TIMM23B: variants seen among roughly 807,000 people sequenced by gnomAD.
TIMM23B encodes the protein mitochondrial import inner membrane translocase subunit Tim23B.
A neutral mutation model predicts 27.3 loss-of-function variants in TIMM23B; 27 were observed. The ratio of observed to expected loss-of-function variants is 0.99; its 90% CI spans 0.73 to 1.36. The LOEUF is 1.36. Among genes scored for constraint, TIMM23B ranks in the 40% most tolerant of loss-of-function variants. The probability of loss-of-function intolerance (pLI) is 0.00; values close to 1 mark genes in which losing one functional copy is unlikely to be tolerated. For missense variants in TIMM23B, 205 were observed against 244.2 expected (o/e 0.84, Z 1.07); for synonymous variants, 73 against 92.4 (o/e 0.79, Z 1.21).
chr10:49,962,972 A>G (rs1255010737), intron 6 of TIMM23B, among the ~76,000 whole-genome samples: 1 of 149,352 alleles, frequency 6.7e-6, no homozygotes, highest in Non-Finnish European at 1.5e-5. Flanking sequence ...GCTCACAGCA[A>G]CCTCTGCCTC....
In TIMM23B at chr10:49,942,162, A is replaced by G; in HGVS notation, c.-33A>G. 2 of 1,560,120 alleles carry G rather than the reference A, an allele frequency of 1.3e-6. No individual in the cohort carries two copies. Among genetic ancestry groups the G allele is most frequent in the Non-Finnish European group, 1.7e-6 (2 of 1,149,652 alleles). ...CCAGCGGACCACCCAGGCTTGAGGC[A>G]GCGGCGGGAACCACTCGGTTTGCTG... On this transcript the variant is annotated 5_prime_UTR_variant, in exon 1 of 7. Transcript: ENST00000651259.
rs188168689 is a variant in TIMM23B at position 49,970,966 on chromosome 10, C to A, written c.515-2046C>A. Among the ~76,000 whole-genome samples the A allele has an allele frequency of 7.5e-3, 1,147 of 152,286 alleles. 18 individuals are homozygous for A. The highest frequency in any genetic ancestry group is 0.025 in the African/African-American group (1,053 of 41,556). On this transcript the variant is annotated intron_variant, in intron 6 of 6. Coordinates refer to ENST00000651259, the MANE Select transcript of TIMM23B (RefSeq NM_001290117.2). ...GGAGGGAAGTAGACATAGGAGACTC[C>A]ATTTCGTTCTGTACTAAGAAAAATT...
At chr10:49,969,049 G>T (rs1840297463) in intron 6 of TIMM23B, among the ~76,000 whole-genome samples, 1 of 151,302 alleles carries the variant, frequency 6.6e-6, no homozygotes, top group African/African-American at 2.4e-5. Context: ...TCTTAGAGCA[G>T]AGTTTGGTAT....
chr10:49,949,190 G>C (rs1189513138), intron 2 of TIMM23B, among the ~76,000 whole-genome samples: 5 of 123,456 alleles, frequency 4.1e-5, no homozygotes, highest in African/African-American at 9.7e-5. Context: ...GAGCCACCAT[G>C]CCTGGCCTTT....
At chr10:49,965,927 TGAAAC>T (rs1165411451) in intron 6 of TIMM23B, among the ~76,000 whole-genome samples, 7 of 141,888 alleles carry the variant, frequency 4.9e-5, no homozygotes, top group South Asian at 2.2e-4. Flanking sequence ...CATCTGGAAA[TGAAAC>T]GAAATGAAAT....
rs1244482543 is a variant in TIMM23B at position 49,956,489 on chromosome 10, A to G, written c.403+1429A>G. ...TGTGTGTATGTGTGTCTTCAATCCG[A>G]AGTACAGCAATTATGGGTAGCATAT... On this transcript the variant is annotated intron_variant, in intron 5 of 6. Coordinates refer to ENST00000651259, the MANE Select transcript of TIMM23B (RefSeq NM_001290117.2). Among the ~76,000 whole-genome samples the G allele has an allele frequency of 1.4e-5, 2 of 141,316 alleles. 1 individual carries two copies. Among genetic ancestry groups the G allele is most frequent in the Non-Finnish European group, 3.2e-5 (2 of 63,386 alleles). 92.7% of individuals were successfully genotyped at this position (141,316 alleles called of 152,430 possible). A position where few individuals can be genotyped will look rare whatever the true frequency, so the allele number is the denominator to read the frequency against.
At chr10:49,948,626 G>C (rs1254891575) in intron 2 of TIMM23B, among the ~76,000 whole-genome samples, 2 of 152,210 alleles carry the variant, frequency 1.3e-5, no homozygotes, top group Admixed American at 1.3e-4. Flanking sequence ...ACCACATATT[G>C]TGTGGTTCCA....
At chr10:49,966,030 C>T (rs1840132402) in intron 6 of TIMM23B, among the ~76,000 whole-genome samples, 1 of 147,992 alleles carries the variant, frequency 6.8e-6, no homozygotes, top group South Asian at 2.2e-4. Context: ...CGCACTCCAG[C>T]CTGGGTGATA....
At position 49,950,485 on chromosome 10, in the gene TIMM23B, C is replaced by G. The variant is rs1444656900; in HGVS notation, c.166-1641C>G. On this transcript the variant is annotated intron_variant, in intron 2 of 6. Transcript: ENST00000651259. ...AGGAGAATGAGTTGGTGCTAACGTG[C>G]ACTTTTGCTTGCTTGATAATGTTCA... 1.3e-3 allele frequency among the ~76,000 whole-genome samples: 190 copies of G among 147,798 alleles called. 1 individual carries two copies. Among genetic ancestry groups the G allele is most frequent in the African/African-American group, 4.4e-3 (179 of 40,438 alleles).
chr10:49,942,338 G>C (rs1839143146), intron 1 of TIMM23B, 38 bp downstream of exon 1: 3 of 1,583,690 alleles, frequency 1.9e-6, no homozygotes, highest in Non-Finnish European at 2.6e-6. Flanking sequence ...TTTCTGACTG[G>C]TTCTTGCGTT....
chr10:49,953,973 TC>T (rs1218367825), intron 4 of TIMM23B, among the ~76,000 whole-genome samples: 8 of 152,194 alleles, frequency 5.3e-5, no homozygotes, highest in Non-Finnish European at 8.8e-5. Flanking sequence ...TTGCTTCCTT[TC>T]TTAAAACAAG....
chr10:49,957,338 C>T lies in TIMM23B; in HGVS notation c.404-1032C>T, dbSNP rs1177593480. Among the ~76,000 whole-genome samples the T allele has an allele frequency of 8.0e-4, 119 of 149,236 alleles. 1 individual carries two copies. The highest frequency in any genetic ancestry group is 2.9e-3 in the African/African-American group (118 of 40,160). On this transcript the variant is annotated intron_variant, in intron 5 of 6. Transcript: ENST00000651259. Reference sequence around the variant, plus strand: ...GTGGAGCTCACTGCAACCTAGACTTCTGGGCTTAAGCAAGCCTCCCACCTC... The same window carrying T: ...GTGGAGCTCACTGCAACCTAGACTTTTGGGCTTAAGCAAGCCTCCCACCTC...
In TIMM23B at chr10:49,966,317, G is replaced by A. The variant is rs531571092; in HGVS notation, c.515-6695G>A. On this transcript the variant is annotated intron_variant, in intron 6 of 6. Transcript: ENST00000651259. ...AATGAATAATGAAATGCCGGGTGTG[G>A]TGGTGCACTCCAGCCTGGGCGATTG... is the stretch of plus-strand genomic sequence containing the variant. Among the ~76,000 whole-genome samples the A allele has an allele frequency of 3.6e-4, 55 of 152,310 alleles. No homozygotes were observed. The South Asian group carries it at 0.01, about 29-fold the overall frequency.
Position 49,955,056 on chromosome 10 carries a change from T to C in TIMM23B, c.399T>C (p.Ser133=). ...CACTTTGGGCTAATACTCTAGGTTC[T>C]CTGGGTAAGTAGAGATCTCGTTTGA... is the stretch of plus-strand genomic sequence containing the variant. ...QGALWANTLG[S]LALLYSAFGV... The change falls in exon 5 of 7, where the codon TCT becomes TCC. Residue 133 remains serine, a synonymous_variant. Transcript: ENST00000651259. 6.2e-7 allele frequency: 1 copy of C among 1,612,592 alleles called. No individual in the cohort carries two copies. The highest frequency in any genetic ancestry group is 2.2e-5 in the East Asian group (1 of 44,786).
Position 49,973,572 on chromosome 10 carries a change from G to A in TIMM23B, c.*508G>A, listed in dbSNP as rs1554857020. 1.3e-5 allele frequency: 2 copies of A among 153,876 alleles called. No individual in the cohort carries two copies. The highest frequency in any genetic ancestry group is 2.0e-4 in the South Asian group (1 of 4,964). The allele number at this position is 153,876 out of a possible 1,614,324, so 9.5% of individuals were successfully genotyped here. A position where few individuals can be genotyped will look rare whatever the true frequency, so the allele number is the denominator to read the frequency against. ...CATTCCTATAGTTCAGGCTACTGAGGAGCCTGATGTAGGAGGATCACGTGA... is the reference window on the plus strand; with the variant it reads ...CATTCCTATAGTTCAGGCTACTGAGAAGCCTGATGTAGGAGGATCACGTGA... On this transcript the variant is annotated 3_prime_UTR_variant, in exon 7 of 7. Coordinates refer to ENST00000651259, the MANE Select transcript of TIMM23B (RefSeq NM_001290117.2).
chr10:49,946,659 A>G (rs1839364259), intron 2 of TIMM23B, among the ~76,000 whole-genome samples: 1 of 150,150 alleles, frequency 6.7e-6, no homozygotes, highest in Non-Finnish European at 1.5e-5. Flanking sequence ...TCTGAAAACT[A>G]TAAAACATTA....
chr10:49,962,243 G>T (rs1327009998), intron 6 of TIMM23B, among the ~76,000 whole-genome samples: 1 of 147,010 alleles, frequency 6.8e-6, no homozygotes, highest in South Asian at 2.1e-4. Flanking sequence ...TTGCTCTGTC[G>T]CCAGGCTGCG....
At chr10:49,949,060 T>C (rs1839440221) in intron 2 of TIMM23B, among the ~76,000 whole-genome samples, 3 of 151,864 alleles carry the variant, frequency 2.0e-5, no homozygotes, top group East Asian at 1.9e-4. Context: ...GCTAATTCTT[T>C]TTTTTTTTAC....
intron 6 of TIMM23B, among the ~76,000 whole-genome samples, chr10:49,963,318 GAATAAATGA>G (rs1343276729): frequency 1.7e-4 from 26 of 151,988 alleles, no homozygotes; most frequent in African/African-American, 6.3e-4. Flanking sequence ...GAAATGAAGA[GAATAAATGA>G]AATAAATGAA....
Sources: allele counts gnomAD v4.1 joint callset (sites outside exome capture counted in the v4.1 genomes callset), GRCh38; gene constraint gnomAD v4.1.1; transcripts MANE v1.5; gene names NCBI Gene and HGNC (gene_info 2026-07-23, HGNC 2026-07-21).